The following DIAPH2 variants were observed in gnomAD, a reference collection of about 807,000 sequenced individuals.
DIAPH2 encodes the protein diaphanous related formin 2.
DIAPH2 carries 35 observed loss-of-function variants against 92.7 expected under a neutral mutation model. That is an observed-to-expected ratio of 0.38 (90% CI 0.29 to 0.50). The LOEUF (loss-of-function observed/expected upper bound fraction) is 0.50. Among genes scored for constraint, DIAPH2 ranks in the 20% least tolerant of loss-of-function variants. DIAPH2 has a pLI of 0.94. For synonymous variants in DIAPH2, 301 were observed against 280.4 expected (o/e 1.07, Z -0.73); for missense variants, 701 against 819.5 (o/e 0.86, Z 1.77).
intron 14 of DIAPH2, among the ~76,000 whole-genome samples, chrX:96,946,998 G>A (rs1602653526): frequency 9.0e-6 from 1 of 111,435 alleles, no homozygotes; most frequent in East Asian, 2.8e-4. Flanking sequence ...AGAATGAGAG[G>A]CAGTAGTTGT....
chrX:97,365,204 G>A (rs2069368596), intron 24 of DIAPH2, among the ~76,000 whole-genome samples: 1 of 110,732 alleles, frequency 9.0e-6, no homozygotes, highest in African/African-American at 3.3e-5. Context: ...TCTATATTAA[G>A]TCTCAGCAAA....
chrX:97,008,079 A>T (rs2066197305), intron 17 of DIAPH2, among the ~76,000 whole-genome samples: 1 of 99,691 alleles, frequency 1.0e-5, no homozygotes, highest in Admixed American at 1.2e-4. Context: ...TGTTTTCTAT[A>T]TCTAGTAGGC....
At chrX:97,277,969 C>T (rs914122844) in intron 23 of DIAPH2, among the ~76,000 whole-genome samples, 7 of 111,675 alleles carry the variant, frequency 6.3e-5, no homozygotes, top group Non-Finnish European at 1.1e-4. Context: ...CCTAAGCCTC[C>T]GGAGTAGCTG....
intron 26 of DIAPH2, among the ~76,000 whole-genome samples, chrX:97,550,834 TG>T (rs1379888326): frequency 9.0e-6 from 1 of 111,372 alleles, no homozygotes. Flanking sequence ...TGTGAGGGAA[TG>T]GAACATTTTA....
chrX:97,418,182 A>G (rs1210174671), intron 25 of DIAPH2, among the ~76,000 whole-genome samples: 1 of 112,611 alleles, frequency 8.9e-6, no homozygotes, highest in African/African-American at 3.2e-5. Context: ...GAAGCTGGAT[A>G]AGGTGGGATC....
intron 17 of DIAPH2, among the ~76,000 whole-genome samples, chrX:97,055,709 T>C (rs751512274): frequency 8.1e-5 from 9 of 111,222 alleles, no homozygotes; most frequent in Non-Finnish European, 1.3e-4. Context: ...GTCACTAATA[T>C]ATAAGGAGTA....
intron 4 of DIAPH2, among the ~76,000 whole-genome samples, chrX:96,805,076 A>G (rs878860351): frequency 9.0e-6 from 1 of 111,186 alleles, no homozygotes; most frequent in Non-Finnish European, 1.9e-5. Flanking sequence ...AGGGTTTAAT[A>G]TAGGCAAAAT....
intron 26 of DIAPH2, among the ~76,000 whole-genome samples, chrX:97,573,217 T>C (rs763767768): frequency 8.9e-6 from 1 of 111,785 alleles, no homozygotes; most frequent in Non-Finnish European, 1.9e-5. Flanking sequence ...GTTCTACACC[T>C]GTATGCCCAG....
intron 22 of DIAPH2, among the ~76,000 whole-genome samples, chrX:97,148,454 A>G (rs2067261856): frequency 8.9e-6 from 1 of 111,836 alleles, no homozygotes; most frequent in South Asian, 3.8e-4. Context: ...TATTGGTAAT[A>G]GAGCACATAC....
At chrX:97,036,723 G>T (rs2066412967) in intron 17 of DIAPH2, among the ~76,000 whole-genome samples, 1 of 111,775 alleles carries the variant, frequency 8.9e-6, no homozygotes, top group South Asian at 3.8e-4. Context: ...TCATTATCAG[G>T]GCACCTTTTG....
At chrX:97,255,129 C>T (rs1220484691) in intron 23 of DIAPH2, among the ~76,000 whole-genome samples, 2 of 111,773 alleles carry the variant, frequency 1.8e-5, no homozygotes, top group Admixed American at 9.6e-5. Flanking sequence ...CGACATTAAA[C>T]CTTGTGCTTC....
intron 1 of DIAPH2, among the ~76,000 whole-genome samples, chrX:96,705,464 T>C (rs2063880330): frequency 8.9e-6 from 1 of 112,393 alleles, no homozygotes; most frequent in Non-Finnish European, 1.9e-5. Context: ...GGGCAATGAT[T>C]GCTTTTACAA....
intron 23 of DIAPH2, among the ~76,000 whole-genome samples, chrX:97,275,904 C>T (rs1277541839): frequency 2.7e-5 from 3 of 112,577 alleles, no homozygotes; most frequent in Non-Finnish European, 5.6e-5. Flanking sequence ...GCAATCTCCG[C>T]ACTTTGGGAG....
At chrX:97,090,373 T>C (rs759043026) in intron 19 of DIAPH2, among the ~76,000 whole-genome samples, 4 of 86,285 alleles carry the variant, frequency 4.6e-5, no homozygotes, top group African/African-American at 8.9e-5. Context: ...AAAGGGGTGC[T>C]CCCCTAGGAA....
chrX:96,986,207 T>C (rs183294282), intron 17 of DIAPH2, among the ~76,000 whole-genome samples: 50 of 111,516 alleles, frequency 4.5e-4, no homozygotes, highest in African/African-American at 1.6e-3. Context: ...ACGTTTGGTG[T>C]TCATAGGCTT....
At chrX:97,323,903 CAAAAAAAA>C (rs1052365967) in intron 23 of DIAPH2, among the ~76,000 whole-genome samples, 3 of 39,190 alleles carry the variant, frequency 7.7e-5, no homozygotes, top group Non-Finnish European at 9.9e-5. Flanking sequence ...AACTCTGTCT[CAAAAAAAA>C]AAAAAAAAAA....
chrX:97,530,288 A>T (rs897778506), intron 26 of DIAPH2, among the ~76,000 whole-genome samples: 9 of 111,925 alleles, frequency 8.0e-5, no homozygotes, highest in Non-Finnish European at 1.3e-4. Flanking sequence ...AAGTGACTGA[A>T]AAGCAGAGTG....
intron 15 of DIAPH2, among the ~76,000 whole-genome samples, chrX:96,951,143 C>G (rs1373782635): frequency 1.8e-5 from 2 of 110,682 alleles, no homozygotes; most frequent in East Asian, 5.6e-4. Context: ...ACCACAGCAC[C>G]CTTTATCTCA....
At chrX:97,374,602 C>T (rs2069481606) in intron 24 of DIAPH2, among the ~76,000 whole-genome samples, 1 of 112,156 alleles carries the variant, frequency 8.9e-6, no homozygotes, top group African/African-American at 3.2e-5. Context: ...TATTATAGTG[C>T]TGATAAAGTC....
Sources: allele counts gnomAD v4.1 joint callset (sites outside exome capture counted in the v4.1 genomes callset), GRCh38; gene constraint gnomAD v4.1.1; transcripts MANE v1.5; gene names NCBI Gene and HGNC (gene_info 2026-07-23, HGNC 2026-07-21).